PLXDC2: variants seen among roughly 807,000 people sequenced by gnomAD.
The protein encoded by PLXDC2 is plexin domain-containing protein 2.
Under a neutral mutation model 68.9 loss-of-function variants are expected in PLXDC2, and 40 were observed. That is an observed-to-expected ratio of 0.58 (90% CI 0.45 to 0.76). The LOEUF is 0.76. Among genes scored for constraint, PLXDC2 ranks in the 30% least tolerant of loss-of-function variants. The pLI, the probability that PLXDC2 is intolerant of heterozygous loss-of-function variation, is 0.00. For synonymous variants in PLXDC2, 243 were observed against 234.2 expected (o/e 1.04, Z -0.34); for missense variants, 644 against 661.9 (o/e 0.97, Z 0.30).
chr10:19,860,060 A>T (rs1055526772), intron 1 of PLXDC2, among the ~76,000 whole-genome samples: 1 of 152,124 alleles, frequency 6.6e-6, no homozygotes, highest in Non-Finnish European at 1.5e-5. Context: ...AGAAAATCCT[A>T]CTTTAGGTGA....
chr10:19,872,683 A>C (rs1465932009), intron 1 of PLXDC2, among the ~76,000 whole-genome samples: 2 of 152,082 alleles, frequency 1.3e-5, no homozygotes, highest in Admixed American at 1.3e-4. Context: ...GGTGGGGCTC[A>C]GGGGAACTGG....
intron 1 of PLXDC2, among the ~76,000 whole-genome samples, chr10:19,897,619 T>C: frequency 6.6e-6 from 1 of 152,144 alleles, no homozygotes; most frequent in East Asian, 1.9e-4. Context: ...TGCTTCTGTG[T>C]TGTGTTTAAA....
Position 20,177,126 on chromosome 10 carries a change from A to G in PLXDC2, c.979+32A>G, listed in dbSNP as rs772085880. 4 of 1,509,496 alleles carry G rather than the reference A, an allele frequency of 2.6e-6. No homozygotes were observed. In the South Asian group the frequency reaches 3.4e-5, roughly 13 times the overall value. The allele number at this position is 1,509,496 out of a possible 1,614,324, so 93.5% of individuals were successfully genotyped here. A position where few individuals can be genotyped will look rare whatever the true frequency, so the allele number is the denominator to read the frequency against. ...GAATATGTAAACCTAGGTGGAAAAC[A>G]TGATTTCTAAATTTGATGATCTGAT... On this transcript the variant is annotated intron_variant, in intron 8 of 13. Coordinates refer to ENST00000377252, the MANE Select transcript of PLXDC2 (RefSeq NM_032812.9).
intron 9 of PLXDC2, among the ~76,000 whole-genome samples, chr10:20,194,886 A>T (rs914024596): frequency 6.7e-6 from 1 of 148,806 alleles, no homozygotes; most frequent in South Asian, 2.1e-4. Context: ...AATTACTATT[A>T]TGTGGCATTA....
At chr10:20,266,105 A>T (rs1835868923) in intron 13 of PLXDC2, among the ~76,000 whole-genome samples, 1 of 152,222 alleles carries the variant, frequency 6.6e-6, no homozygotes, top group Non-Finnish European at 1.5e-5. Flanking sequence ...AATAGTCACC[A>T]TCCAGTGCAC....
chr10:19,966,820 C>T lies in PLXDC2; in HGVS notation c.113-34955C>T, dbSNP rs1370999606. On this transcript the variant is annotated intron_variant, in intron 1 of 13. Coordinates refer to ENST00000377252, the MANE Select transcript of PLXDC2 (RefSeq NM_032812.9). ...GGTTCGCGTTACCATTTTTTTTTTC[C>T]CCCAGCATGCTTCCCTCACATATCC... is the stretch of plus-strand genomic sequence containing the variant. Among the ~76,000 whole-genome samples, 3 of 151,506 alleles carry T rather than the reference C, an allele frequency of 2.0e-5. No individual in the cohort carries two copies. The East Asian group carries it at 5.9e-4, about 30-fold the overall frequency.
intron 13 of PLXDC2, among the ~76,000 whole-genome samples, chr10:20,252,301 C>T (rs1292954622): frequency 5.3e-5 from 8 of 152,116 alleles, no homozygotes; most frequent in African/African-American, 1.9e-4. Flanking sequence ...ATTTTGAAAT[C>T]TGAGTACAAA....
intron 1 of PLXDC2, among the ~76,000 whole-genome samples, chr10:19,946,709 A>G (rs1451969199): frequency 6.6e-6 from 1 of 152,018 alleles, no homozygotes; most frequent in Non-Finnish European, 1.5e-5. Flanking sequence ...TATCTCAACT[A>G]GACAGTCCCA....
intron 2 of PLXDC2, among the ~76,000 whole-genome samples, chr10:20,029,157 C>T (rs749758553): frequency 1.3e-5 from 2 of 152,070 alleles, no homozygotes; most frequent in Admixed American, 6.6e-5. Flanking sequence ...TTTTTCTTAC[C>T]TTTAAAACTG....
intron 1 of PLXDC2, among the ~76,000 whole-genome samples, chr10:19,989,409 A>G (rs902362430): frequency 6.6e-6 from 1 of 152,206 alleles, no homozygotes; most frequent in Non-Finnish European, 1.5e-5. Context: ...TTAACAATTC[A>G]GTAATAGTTT....
At chr10:19,980,486 G>C (rs1299540303) in intron 1 of PLXDC2, among the ~76,000 whole-genome samples, 1 of 152,110 alleles carries the variant, frequency 6.6e-6, no homozygotes, top group Non-Finnish European at 1.5e-5. Flanking sequence ...TATCAAGGTG[G>C]CAGCAGATCT....
chr10:20,250,273 A>C (rs1192387114), intron 13 of PLXDC2, among the ~76,000 whole-genome samples: 2 of 145,672 alleles, frequency 1.4e-5, no homozygotes, highest in African/African-American at 5.1e-5. Context: ...TCCTGTTTCA[A>C]AAAAAAAAAA....
intron 1 of PLXDC2, among the ~76,000 whole-genome samples, chr10:19,982,758 G>C (rs1347672588): frequency 6.6e-6 from 1 of 151,880 alleles, no homozygotes; most frequent in Admixed American, 6.6e-5. Context: ...TTATTTATTA[G>C]TTTTGGTGGA....
At chr10:19,887,748 G>A (rs1014421731) in intron 1 of PLXDC2, among the ~76,000 whole-genome samples, 1 of 152,198 alleles carries the variant, frequency 6.6e-6, no homozygotes, top group Non-Finnish European at 1.5e-5. Flanking sequence ...GGCATAGACA[G>A]TATTTCCTTC....
At chr10:20,076,331 G>A in intron 4 of PLXDC2, among the ~76,000 whole-genome samples, 1 of 152,142 alleles carries the variant, frequency 6.6e-6, no homozygotes, top group East Asian at 1.9e-4. Context: ...ATAGACTTTT[G>A]AATCTGAATA....
chr10:20,200,869 A>C (rs1419471322), intron 9 of PLXDC2, among the ~76,000 whole-genome samples: 1 of 152,098 alleles, frequency 6.6e-6, no homozygotes, highest in African/African-American at 2.4e-5. Flanking sequence ...CAAAAAGATA[A>C]AAAGTAACAA....
At chr10:20,161,970 C>A (rs1834298458) in intron 6 of PLXDC2, among the ~76,000 whole-genome samples, 1 of 150,056 alleles carries the variant, frequency 6.7e-6, no homozygotes, top group South Asian at 2.1e-4. Context: ...GGTGGTGAGA[C>A]AAGATTGTGC....
chr10:19,975,622 A>G (rs980377667), intron 1 of PLXDC2, among the ~76,000 whole-genome samples: 3 of 152,184 alleles, frequency 2.0e-5, no homozygotes, highest in Admixed American at 2.0e-4. Flanking sequence ...AGAGCTGAGA[A>G]GTTTCAGATA....
intron 13 of PLXDC2, among the ~76,000 whole-genome samples, chr10:20,257,976 G>A (rs1162519229): frequency 7.8e-6 from 1 of 129,010 alleles, no homozygotes; most frequent in Non-Finnish European, 1.7e-5. Flanking sequence ...AAGCCTTTTT[G>A]TGATTTTCTT....
Sources: gnomAD v4.1 joint callset for allele counts (sites outside exome capture counted in the v4.1 genomes callset) on GRCh38, gnomAD v4.1.1 for gene constraint, MANE v1.5 for transcripts, NCBI Gene and HGNC (gene_info 2026-07-23, HGNC 2026-07-21) for gene names.